The following DAB1 variants were observed in gnomAD, a reference collection of about 807,000 sequenced individuals.
DAB1 encodes the protein disabled homolog 1.
A neutral mutation model predicts 64.6 loss-of-function variants in DAB1; 15 were observed. That is an observed-to-expected ratio of 0.23 (90% CI 0.16 to 0.36). The LOEUF (loss-of-function observed/expected upper bound fraction) is 0.36, where lower values mean the gene tolerates loss of function less well. Ranked by LOEUF, DAB1 falls within the 10% of genes least tolerant of loss-of-function variation. DAB1 has a pLI of 1.00. For synonymous variants in DAB1, 235 were observed against 251.9 expected, an observed-to-expected ratio of 0.93 and a Z score of 0.64; for missense variants, 596 against 706.7, an observed-to-expected ratio of 0.84 and a Z score of 1.78.
chr1:57,377,040 T>G (rs1157179043), intron 1 of DAB1, among the ~76,000 whole-genome samples: 6 of 151,996 alleles, frequency 3.9e-5, no homozygotes, highest in Admixed American at 3.9e-4. Flanking sequence ...GAGGCCGAGG[T>G]GGGCAGATCA....
At chr1:58,468,506 CTG>C (rs1645319751) in intron 3 of DAB1, 1 of 152,180 alleles carries the variant, frequency 6.6e-6, no homozygotes, top group African/African-American at 2.4e-5. Flanking sequence ...AACAGAGTCA[CTG>C]TGTCTTTGCA....
chr1:58,363,538 T>A (rs1345245677), intron 3 of DAB1, among the ~76,000 whole-genome samples: 1 of 152,234 alleles, frequency 6.6e-6, no homozygotes, highest in Non-Finnish European at 1.5e-5. Context: ...AGTTGATCAG[T>A]GCGAGTTAGT....
intron 5 of DAB1, among the ~76,000 whole-genome samples, chr1:57,894,102 C>A (rs1225648103): frequency 6.6e-6 from 1 of 152,140 alleles, no homozygotes; most frequent in Non-Finnish European, 1.5e-5. Context: ...GGACACCTGT[C>A]CCCGGAAGTA....
rs147941479 is a variant in DAB1 at position 57,223,652 on chromosome 1, C to T, written c.67+67312G>A. On this transcript the variant is annotated intron_variant, in intron 2 of 14. Transcript: ENST00000371236. ...TAGGTGGAAGCAGGAAGATGCTGTA[C>T]GAACACCTTGCAGTATGGCAGAACC... Among the ~76,000 whole-genome samples the T allele has an allele frequency of 1.7e-3, 266 of 152,268 alleles. 1 individual carries two copies. Among genetic ancestry groups the T allele is most frequent in the African/African-American group, 6.3e-3 (261 of 41,560 alleles).
rs997740915 is a variant in DAB1, at chr1:56,997,841, T to C, written c.*303A>G. On this transcript the variant is annotated 3_prime_UTR_variant, in exon 15 of 15. Coordinates refer to ENST00000371236, the MANE Select transcript of DAB1 (RefSeq NM_001365792.1). ...AAACCCAGCTATGAGGGCTCAAATA[T>C]TTGTTGGGTAAGCATTTGCTTGATT... 1 of 152,216 alleles carries C rather than the reference T, an allele frequency of 6.6e-6. No individual in the cohort carries two copies. The highest frequency in any genetic ancestry group is 2.4e-5 in the African/African-American group (1 of 41,446). 9.4% of individuals were successfully genotyped at this position (152,216 alleles called of 1,614,324 possible). A position where few individuals can be genotyped will look rare whatever the true frequency, so the allele number is the denominator to read the frequency against.
At chr1:58,436,040 C>T (rs537969902) in intron 3 of DAB1, among the ~76,000 whole-genome samples, 7 of 152,302 alleles carry the variant, frequency 4.6e-5, no homozygotes, top group African/African-American at 1.2e-4. Flanking sequence ...CTGAGGTCCT[C>T]ACAGTTTGCC....
At chr1:57,643,487 G>T (rs966545629) in intron 7 of DAB1, among the ~76,000 whole-genome samples, 1 of 152,042 alleles carries the variant, frequency 6.6e-6, no homozygotes, top group East Asian at 1.9e-4. Context: ...TTATTAACTG[G>T]TTTGAGCAAG....
chr1:58,154,622 A>G (rs1009364125), intron 4 of DAB1, among the ~76,000 whole-genome samples: 1 of 152,162 alleles, frequency 6.6e-6, no homozygotes, highest in Non-Finnish European at 1.5e-5. Flanking sequence ...AAGTACCAGG[A>G]GACTAAAGGA....
intron 5 of DAB1, among the ~76,000 whole-genome samples, chr1:57,916,663 C>T (rs141067684): frequency 6.6e-6 from 1 of 152,290 alleles, no homozygotes; most frequent in East Asian, 1.9e-4. Flanking sequence ...GTAGGCCAGG[C>T]GTGGTGGCTC....
At chr1:57,081,573 T>C (rs1380977600) in intron 4 of DAB1, among the ~76,000 whole-genome samples, 1 of 150,564 alleles carries the variant, frequency 6.6e-6, no homozygotes, top group Non-Finnish European at 1.5e-5. Context: ...TCTAGTTACA[T>C]AAATAAATTC....
At chr1:57,080,604 C>T (rs1307388348) in intron 4 of DAB1, among the ~76,000 whole-genome samples, 4 of 152,120 alleles carry the variant, frequency 2.6e-5, no homozygotes, top group Admixed American at 1.3e-4. Flanking sequence ...CACTAGTTAA[C>T]CAGCTGAGGG....
intron 5 of DAB1, among the ~76,000 whole-genome samples, chr1:58,051,946 C>T (rs1054938138): frequency 6.6e-6 from 1 of 152,040 alleles, no homozygotes; most frequent in Non-Finnish European, 1.5e-5. Flanking sequence ...GGATATTAGC[C>T]TTTTGTCAAA....
At chr1:57,291,837 A>G (rs1216042835) in intron 1 of DAB1, among the ~76,000 whole-genome samples, 2 of 152,200 alleles carry the variant, frequency 1.3e-5, no homozygotes, top group Non-Finnish European at 2.9e-5. Context: ...ACCAGGTGCT[A>G]TTAAACTCAG....
intron 5 of DAB1, among the ~76,000 whole-genome samples, chr1:57,961,236 C>T (rs11584116): frequency 0.39 from 58,507 of 151,836 alleles, 12,794 homozygotes; most frequent in Admixed American, 0.51. Flanking sequence ...CATGTGTATA[C>T]ATTTGTATAT....
intron 7 of DAB1, among the ~76,000 whole-genome samples, chr1:57,507,003 G>T (rs755960597): frequency 3.3e-5 from 5 of 152,000 alleles, no homozygotes; most frequent in Non-Finnish European, 7.4e-5. Context: ...CTCACCTCCA[G>T]TCCCTCTCAT....
At chr1:57,965,044 G>A (rs1645626179) in intron 5 of DAB1, among the ~76,000 whole-genome samples, 1 of 152,160 alleles carries the variant, frequency 6.6e-6, no homozygotes, top group South Asian at 2.1e-4. Context: ...AAGAATGGAT[G>A]GAACATTCAT....
intron 1 of DAB1, among the ~76,000 whole-genome samples, chr1:57,413,543 C>T (rs1490042554): frequency 1.3e-5 from 2 of 151,860 alleles, no homozygotes; most frequent in Non-Finnish European, 2.9e-5. Flanking sequence ...AGATCGAGAC[C>T]ATCATGGCTA....
At chr1:58,191,010 C>A (rs1264730610) in intron 4 of DAB1, among the ~76,000 whole-genome samples, 1 of 152,096 alleles carries the variant, frequency 6.6e-6, no homozygotes. Flanking sequence ...CAATAGCCCA[C>A]AGAAGAACGT....
chr1:57,222,343 T>C (rs1666944661), intron 2 of DAB1, among the ~76,000 whole-genome samples: 1 of 152,146 alleles, frequency 6.6e-6, no homozygotes, highest in Non-Finnish European at 1.5e-5. Context: ...TGCTTTAGTG[T>C]GGTGGACAAT....
Sources: gnomAD v4.1 joint callset for allele counts (sites outside exome capture counted in the v4.1 genomes callset) on GRCh38, gnomAD v4.1.1 for gene constraint, MANE v1.5 for transcripts, NCBI Gene and HGNC (gene_info 2026-07-23, HGNC 2026-07-21) for gene names.